CRAMP1: variants seen among roughly 807,000 people sequenced by gnomAD.
CRAMP1 encodes cramped chromatin regulator 1.
A neutral mutation model predicts 115.4 loss-of-function variants in CRAMP1; 50 were observed. The observed-to-expected ratio is 0.43, with a 90% CI of 0.35 to 0.55. The LOEUF is 0.55. Ranked by LOEUF, CRAMP1 falls within the 20% of genes least tolerant of loss-of-function variation. The probability of loss-of-function intolerance (pLI) is 0.01; values close to 1 mark genes in which losing one functional copy is unlikely to be tolerated. For missense variants in CRAMP1, 1,679 were observed against 1,721.7 expected (o/e 0.98, Z 0.44); for synonymous variants, 866 against 745.4 (o/e 1.16, Z -2.64).
At chr16:1,665,023 T>G in intron 13 of CRAMP1, 34 bp from the exon 14 acceptor site, 1 of 1,448,790 alleles carries the variant, frequency 6.9e-7, no homozygotes, top group Non-Finnish European at 9.7e-7. Flanking sequence ...TATGGGAGTT[T>G]CATCACCTTG....
At chr16:1,624,638 G>A (rs1304326864) in intron 2 of CRAMP1, among the ~76,000 whole-genome samples, 1 of 152,174 alleles carries the variant, frequency 6.6e-6, no homozygotes, top group East Asian at 1.9e-4. Flanking sequence ...GAGTGCAGTG[G>A]CGCGATCTCG....
intron 4 of CRAMP1, among the ~76,000 whole-genome samples, chr16:1,633,511 A>C (rs2142179361): frequency 6.6e-6 from 1 of 152,346 alleles, no homozygotes; most frequent in Admixed American, 6.5e-5. Flanking sequence ...CATTCATGTA[A>C]GATTTTCTGC....
At chr16:1,668,308 C>T in intron 18 of CRAMP1, 115 bp downstream of exon 18, 1 of 816,664 alleles carries the variant, frequency 1.2e-6, no homozygotes, top group Non-Finnish European at 2.0e-6. Flanking sequence ...GAATTGAAAA[C>T]CTGTCACCTA....
At position 1,676,932 on chromosome 16, in the gene CRAMP1, A is replaced by G. The variant is rs1474499938; in HGVS notation, c.*2887A>G. The G allele has an allele frequency of 6.6e-6, 1 of 152,336 alleles. No individual in the cohort carries two copies. Among genetic ancestry groups the G allele is most frequent in the Non-Finnish European group, 1.5e-5 (1 of 68,066 alleles). 9.4% of individuals were successfully genotyped at this position (152,336 alleles called of 1,614,324 possible). ...TTTGCCGCACCTCCAGGTTCTGGGC[A>G]TGAGAGGCCGTGGCCTCATTTCTGG... On this transcript the variant is annotated 3_prime_UTR_variant, in exon 21 of 21. Coordinates refer to ENST00000397412, the MANE Select transcript of CRAMP1 (RefSeq NM_020825.4).
At chr16:1,615,444 G>T (rs1268216530) in intron 2 of CRAMP1, among the ~76,000 whole-genome samples, 1 of 152,156 alleles carries the variant, frequency 6.6e-6, no homozygotes, top group South Asian at 2.1e-4. Flanking sequence ...GGATCCTTGG[G>T]GTCTGACTTG....
chr16:1,668,769 T>C (rs1181152844), intron 18 of CRAMP1, among the ~76,000 whole-genome samples: 1 of 152,168 alleles, frequency 6.6e-6, no homozygotes. Context: ...GTGAGATGAC[T>C]CATGTGCAAC....
At chr16:1,645,332 G>T (rs1244134413) in intron 6 of CRAMP1, 1 of 246,424 alleles carries the variant, frequency 4.1e-6, no homozygotes, top group South Asian at 3.3e-5. Flanking sequence ...GATTACAGGC[G>T]CCCACCACCA....
intron 16 of CRAMP1, among the ~76,000 whole-genome samples, chr16:1,667,041 G>GTGGGC (rs1028699256): frequency 1.3e-5 from 2 of 152,168 alleles, no homozygotes; most frequent in African/African-American, 4.8e-5. Flanking sequence ...GGAGGGTGGG[G>GTGGGC]TGGGCTGATG....
chr16:1,656,091 C>T lies in CRAMP1; in HGVS notation c.1334C>T (p.Ala445Val). The T allele has an allele frequency of 6.2e-7, 1 of 1,609,934 alleles. No individual in the cohort carries two copies. Among genetic ancestry groups the T allele is most frequent in the Non-Finnish European group, 8.5e-7 (1 of 1,178,850 alleles). Residue 445 changes from alanine to valine, a missense_variant, in exon 10 of 21, where the codon GCC (alanine) becomes GTC (valine). Physicochemically the swap from Ala to Val is moderately conservative, Grantham distance 64. Transcript: ENST00000397412. The surrounding 1 kb of genome is among the most constrained non-coding windows in gnomAD (Gnocchi z 5.6). Reference protein sequence around the residue: ...SAKDAHVLPPAQILGIQSGQG... With the variant: ...SAKDAHVLPPVQILGIQSGQG... ...AAGGACGCCCACGTGCTGCCCCCAG[C>T]CCAGATCCTGGGCATCCAGAGTGGG...
At chr16:1,619,341 C>T (rs889946783) in intron 2 of CRAMP1, among the ~76,000 whole-genome samples, 1 of 152,080 alleles carries the variant, frequency 6.6e-6, no homozygotes, top group Non-Finnish European at 1.5e-5. Context: ...CTGCTACACC[C>T]GACTAATTTT....
intron 9 of CRAMP1, among the ~76,000 whole-genome samples, chr16:1,655,512 A>C (rs2036763442): frequency 1.3e-5 from 2 of 152,122 alleles, no homozygotes; most frequent in African/African-American, 4.8e-5. Context: ...GAACTCAGTC[A>C]CAGCCAGCCC....
At position 1,622,766 on chromosome 16, in the gene CRAMP1, T is replaced by C. The variant is rs1266530874; in HGVS notation, c.347-3207T>C. Among the ~76,000 whole-genome samples, 3 of 149,246 alleles carry C rather than the reference T, an allele frequency of 2.0e-5. No individual in the cohort carries two copies. In the East Asian group the frequency reaches 5.9e-4, roughly 29 times the overall value. ...CCCGGCAGTCTACTTTTTTTTTTTT[T>C]TTTTTTCTTTTTTGAGACAGTCTCT... On this transcript the variant is annotated intron_variant, in intron 2 of 20. Transcript: ENST00000397412.
chr16:1,649,663 A>ATCTAC (rs2036706572), intron 6 of CRAMP1, among the ~76,000 whole-genome samples: 1 of 148,234 alleles, frequency 6.7e-6, no homozygotes, highest in Admixed American at 6.7e-5. Flanking sequence ...CTAATTTTTT[A>ATCTAC]TATTTTTAGT....
intron 6 of CRAMP1, among the ~76,000 whole-genome samples, chr16:1,651,958 G>A (rs753652775): frequency 3.3e-5 from 5 of 151,440 alleles, no homozygotes; most frequent in African/African-American, 7.3e-5. Flanking sequence ...GTGGATTGAG[G>A]TCACACAGAG....
chr16:1,666,379 T>C lies in CRAMP1; in HGVS notation c.2858-43T>C, dbSNP rs766570115. The C allele has an allele frequency of 6.4e-7, 1 of 1,574,730 alleles. No individual in the cohort carries two copies. The highest frequency in any genetic ancestry group is 8.7e-7 in the Non-Finnish European group (1 of 1,155,504). ...GAGCCCTCTTGGGACATCTTATGGG[T>C]TGTCAGTAGAGCAGAGATGTGCAGC... On this transcript the variant is annotated intron_variant, in intron 15 of 20. Coordinates refer to ENST00000397412, the MANE Select transcript of CRAMP1 (RefSeq NM_020825.4). This position sits in a 1 kb window ranked among gnomAD's most constrained non-coding sequence, Gnocchi z 5.0.
intron 3 of CRAMP1, among the ~76,000 whole-genome samples, chr16:1,629,368 C>T (rs1413373962): frequency 6.6e-6 from 1 of 152,228 alleles, no homozygotes; most frequent in Non-Finnish European, 1.5e-5. Context: ...TCACCCCAGA[C>T]AGCTCTCTCA....
Position 1,656,335 on chromosome 16 carries a change from C to T in CRAMP1, c.1578C>T (p.Thr526=). ...HQDTGPCLEK[T]PAEGRDSPTR... is the part of the protein sequence containing the mutation. ...ACACTGGGCCATGTCTTGAGAAGACCCCTGCAGAAGGCAGGGACAGTCCCA... is the reference window on the plus strand; with the variant it reads ...ACACTGGGCCATGTCTTGAGAAGACTCCTGCAGAAGGCAGGGACAGTCCCA... The change falls in exon 10 of 21, where the codon ACC becomes ACT. Residue 526 remains threonine, a synonymous_variant. Coordinates refer to ENST00000397412, the MANE Select transcript of CRAMP1 (RefSeq NM_020825.4). This position sits in a 1 kb window ranked among gnomAD's most constrained non-coding sequence, Gnocchi z 5.6. 6.2e-7 allele frequency: 1 copy of T among 1,609,866 alleles called. No homozygotes were observed. Among genetic ancestry groups the T allele is most frequent in the Non-Finnish European group, 8.5e-7 (1 of 1,178,668 alleles).
intron 13 of CRAMP1, among the ~76,000 whole-genome samples, chr16:1,663,870 A>G (rs2036852473): frequency 6.6e-6 from 1 of 152,196 alleles, no homozygotes; most frequent in African/African-American, 2.4e-5. Flanking sequence ...GTTTACTGGC[A>G]CACAGCCGTG....
Position 1,655,268 on chromosome 16 carries a change from A to G in CRAMP1, c.1087A>G (p.Lys363Glu), listed in dbSNP as rs2036761307. 2 of 1,613,998 alleles carry G rather than the reference A, an allele frequency of 1.2e-6. No homozygotes were observed. The highest frequency in any genetic ancestry group is 2.2e-5 in the East Asian group (1 of 44,892). Residue 363 changes from lysine (K) to glutamate (E), a missense_variant, in exon 9 of 21, where the codon AAG becomes GAG. By Grantham distance (56) the Lys-to-Glu change is moderately conservative. Transcript: ENST00000397412. ...RKVSSLIEFL[K>E]QKWALHEVRV... ...GGTCTCCAGCCTCATCGAATTCTTG[A>G]AGCAGAAGTGGGCGCTCCATGAGGT...
Sources: allele counts gnomAD v4.1 joint callset (sites outside exome capture counted in the v4.1 genomes callset), GRCh38; gene constraint gnomAD v4.1.1; non-coding constraint Gnocchi (gnomAD v3.1); transcripts MANE v1.5; gene names NCBI Gene and HGNC (gene_info 2026-07-23, HGNC 2026-07-21).